The following FAM117B variants were observed in gnomAD, a reference collection of about 807,000 sequenced individuals.
The protein encoded by FAM117B is protein FAM117B.
A neutral mutation model predicts 52.8 loss-of-function variants in FAM117B; 22 were observed. The observed-to-expected ratio is 0.42, with a 90% confidence interval of 0.30 to 0.59. FAM117B has a LOEUF of 0.59. FAM117B is among the 20% of genes least tolerant of loss of function. The pLI, the probability that FAM117B is intolerant of heterozygous loss-of-function variation, is 0.22. For missense variants in FAM117B, 678 were observed against 802.6 expected (o/e 0.84, Z 1.88); for synonymous variants, 309 against 324.1 (o/e 0.95, Z 0.50).
chr2:202,670,564 C>T (rs1407874822), intron 1 of FAM117B, among the ~76,000 whole-genome samples: 3 of 151,876 alleles, frequency 2.0e-5, no homozygotes, highest in Non-Finnish European at 4.4e-5. Flanking sequence ...CTGGGATAAG[C>T]CACCGCCCCC....
At chr2:202,676,395 T>C (rs1251239722) in intron 1 of FAM117B, among the ~76,000 whole-genome samples, 1 of 151,958 alleles carries the variant, frequency 6.6e-6, no homozygotes, top group Non-Finnish European at 1.5e-5. Context: ...TTTTTTTCTT[T>C]TGAGATGGAG....
chr2:202,767,606 T>C lies in FAM117B; in HGVS notation c.*1842T>C, dbSNP rs942017472. The C allele has an allele frequency of 6.6e-6, 1 of 152,224 alleles. No homozygotes were observed. Among genetic ancestry groups the C allele is most frequent in the South Asian group, 2.1e-4 (1 of 4,828 alleles). 9.4% of individuals were successfully genotyped at this position (152,224 alleles called of 1,614,324 possible). The stretch of plus-strand genomic sequence containing the variant: ...GTAGAAAAAAGTTTTTAAATCCTTA[T>C]AAAGAGGATGCAGTTTAGAAGGTTA... On this transcript the variant is annotated 3_prime_UTR_variant, in exon 8 of 8. Transcript: ENST00000392238.
rs370892424 is a variant in FAM117B, at chr2:202,755,690, T to C, written c.1104+9T>C. 6.2e-7 allele frequency: 1 copy of C among 1,608,092 alleles called. No homozygotes were observed. Among genetic ancestry groups the C allele is most frequent in the African/African-American group, 1.3e-5 (1 of 74,720 alleles). On this transcript the variant is annotated intron_variant, in intron 5 of 7. Coordinates refer to ENST00000392238, the MANE Select transcript of FAM117B (RefSeq NM_173511.4). ...AGGAAGAGCAACTTATAGTAAGTGATCTTGTATCTTAAAATCATTCTTGAA... is the reference window on the plus strand; with the variant it reads ...AGGAAGAGCAACTTATAGTAAGTGACCTTGTATCTTAAAATCATTCTTGAA...
Position 202,756,317 on chromosome 2 carries a change from G to T in FAM117B, c.1104+636G>T, listed in dbSNP as rs543592145. Among the ~76,000 whole-genome samples, 11 of 152,132 alleles carry T rather than the reference G, an allele frequency of 7.2e-5. No homozygotes were observed. In the South Asian group the frequency reaches 1.5e-3, roughly 20 times the overall value. On this transcript the variant is annotated intron_variant, in intron 5 of 7. Coordinates refer to ENST00000392238, the MANE Select transcript of FAM117B (RefSeq NM_173511.4). ...GCCTGTAATCCCAGCTACTTGGGAA[G>T]CAGGGAGAATCGCTTGAACCCGGGA...
intron 7 of FAM117B, among the ~76,000 whole-genome samples, chr2:202,759,870 AT>A (rs1470611243): frequency 1.3e-5 from 2 of 151,412 alleles, no homozygotes; most frequent in African/African-American, 4.9e-5. Context: ...CCTGGCTAAT[AT>A]TTTAAAGTTT....
chr2:202,680,488 C>G (rs1409735513), intron 1 of FAM117B, among the ~76,000 whole-genome samples: 12 of 151,990 alleles, frequency 7.9e-5, no homozygotes, highest in African/African-American at 2.9e-4. Flanking sequence ...TCATGCAGCT[C>G]CAAGTTCAAT....
At position 202,670,477 on chromosome 2, in the gene FAM117B, G is replaced by A. The variant is rs138141455; in HGVS notation, c.602-25404G>A. 2.8e-3 allele frequency among the ~76,000 whole-genome samples: 431 copies of A among 151,960 alleles called. 1 individual carries two copies. The highest frequency in any genetic ancestry group is 6.8e-3 in the Middle Eastern group (2 of 294). On this transcript the variant is annotated intron_variant, in intron 1 of 7. Coordinates refer to ENST00000392238, the MANE Select transcript of FAM117B (RefSeq NM_173511.4). ...GCTAATTTTTGTATTTTTAGAGACGGGGTTTCATGAAACACGTTGGCCATT... is the reference window on the plus strand; with the variant it reads ...GCTAATTTTTGTATTTTTAGAGACGAGGTTTCATGAAACACGTTGGCCATT...
chr2:202,663,302 T>C (rs188036149), intron 1 of FAM117B, among the ~76,000 whole-genome samples: 63 of 152,380 alleles, frequency 4.1e-4, no homozygotes, highest in Admixed American at 1.2e-3. Flanking sequence ...GAATTCTGAC[T>C]GTGCACTTGT....
chr2:202,689,257 A>G (rs1690587334), intron 1 of FAM117B, among the ~76,000 whole-genome samples: 1 of 152,052 alleles, frequency 6.6e-6, no homozygotes, highest in South Asian at 2.1e-4. Flanking sequence ...CCTGGGCAAC[A>G]TGGCAAAACC....
At chr2:202,665,545 C>T (rs1198950069) in intron 1 of FAM117B, among the ~76,000 whole-genome samples, 1 of 152,144 alleles carries the variant, frequency 6.6e-6, no homozygotes, top group African/African-American at 2.4e-5. Flanking sequence ...ATGATGTAAT[C>T]GTGGATGTGA....
chr2:202,641,183 CAG>C (rs1689764296), intron 1 of FAM117B, among the ~76,000 whole-genome samples: 1 of 152,116 alleles, frequency 6.6e-6, no homozygotes, highest in East Asian at 1.9e-4. Flanking sequence ...AATAATTCCA[CAG>C]GGGATGGGTA....
intron 1 of FAM117B, among the ~76,000 whole-genome samples, chr2:202,684,214 TATA>T (rs1346635741): frequency 2.6e-5 from 4 of 152,136 alleles, no homozygotes. Flanking sequence ...GCAGTATAAA[TATA>T]ATGATGATAC....
At chr2:202,668,644 AAAT>A (rs1445477589) in intron 1 of FAM117B, among the ~76,000 whole-genome samples, 1 of 151,230 alleles carries the variant, frequency 6.6e-6, no homozygotes, top group Non-Finnish European at 1.5e-5. Context: ...ATAAATAAAT[AAAT>A]AAATAAAATA....
intron 2 of FAM117B, 74 bp from the exon 3 acceptor site, chr2:202,724,843 T>C: frequency 9.2e-7 from 1 of 1,089,710 alleles, no homozygotes; most frequent in Non-Finnish European, 1.3e-6. Context: ...ATATGTTTTA[T>C]AATAGAAAAA....
intron 7 of FAM117B, among the ~76,000 whole-genome samples, chr2:202,763,595 T>C (rs1260440974): frequency 6.6e-6 from 1 of 152,174 alleles, no homozygotes; most frequent in Non-Finnish European, 1.5e-5. Flanking sequence ...GTATTGAAAA[T>C]CATGCTCTCA....
chr2:202,714,285 G>T (rs1574565917), intron 2 of FAM117B, among the ~76,000 whole-genome samples: 1 of 152,066 alleles, frequency 6.6e-6, no homozygotes, highest in South Asian at 2.1e-4. Flanking sequence ...TTCTACAGCT[G>T]TTGGTTGAAA....
chr2:202,671,092 C>T (rs28760505), intron 1 of FAM117B, among the ~76,000 whole-genome samples: 84,211 of 152,066 alleles, frequency 0.55, 24,162 homozygotes, highest in African/African-American at 0.66. Context: ...ATGATTTAAA[C>T]ATATTGCTTC....
At chr2:202,739,008 G>A (rs1691482976) in intron 4 of FAM117B, among the ~76,000 whole-genome samples, 1 of 152,148 alleles carries the variant, frequency 6.6e-6, no homozygotes, top group Admixed American at 6.5e-5. Flanking sequence ...AGCCAGTATG[G>A]TAAAACCTTG....
intron 2 of FAM117B, among the ~76,000 whole-genome samples, chr2:202,720,493 C>G (rs1037324969): frequency 2.6e-5 from 4 of 151,550 alleles, no homozygotes; most frequent in Admixed American, 1.3e-4. Context: ...TGATATGTAT[C>G]TCCTAAGAAT....
Sources: allele counts gnomAD v4.1 joint callset (sites outside exome capture counted in the v4.1 genomes callset), GRCh38; gene constraint gnomAD v4.1.1; transcripts MANE v1.5; gene names NCBI Gene and HGNC (gene_info 2026-07-23, HGNC 2026-07-21).